The following CPVL variants were observed in gnomAD, a reference collection of about 807,000 sequenced individuals.
The protein encoded by CPVL is carboxypeptidase vitellogenic like, also known as probable serine carboxypeptidase CPVL.
In CPVL, 51 loss-of-function variants were observed where a neutral mutation model predicts 63.7. The ratio of observed to expected loss-of-function variants is 0.80; its 90% CI spans 0.64 to 1.01. CPVL has a LOEUF of 1.01. Among genes scored for constraint, CPVL ranks in the 50% least tolerant of loss-of-function variants. The probability of loss-of-function intolerance (pLI) is 0.00; values close to 1 mark genes in which losing one functional copy is unlikely to be tolerated. For missense variants in CPVL, 530 were observed against 573.1 expected (o/e 0.92, Z 0.77); for synonymous variants, 195 against 206.0 (o/e 0.95, Z 0.46).
rs1401416657 is a variant in CPVL, at chr7:29,163,287, A to G, written c.-11+18003T>C. On this transcript the variant is annotated intron_variant, in intron 5 of 16. Transcript: ENST00000409850. Reference sequence around the variant, plus strand: ...GGATTTTGAAGACTTAGTATGAAAAACATTGTAAAATACTTCGCTTATAGT... The same window carrying G: ...GGATTTTGAAGACTTAGTATGAAAAGCATTGTAAAATACTTCGCTTATAGT... Among the ~76,000 whole-genome samples the G allele has an allele frequency of 7.2e-5, 11 of 152,160 alleles. No homozygotes were observed. The East Asian group carries it at 2.1e-3, about 29-fold the overall frequency.
chr7:29,038,893 T>G (rs1259330645), intron 11 of CPVL, among the ~76,000 whole-genome samples: 1 of 152,174 alleles, frequency 6.6e-6, no homozygotes, highest in Non-Finnish European at 1.5e-5. Flanking sequence ...CACTTGTGTA[T>G]GTAGTGTGTT....
chr7:29,102,775 C>T (rs1787283039), intron 3 of CPVL, among the ~76,000 whole-genome samples: 1 of 152,102 alleles, frequency 6.6e-6, no homozygotes, highest in South Asian at 2.1e-4. Flanking sequence ...CTTGGACACT[C>T]TTTCCTCAGG....
intron 3 of CPVL, among the ~76,000 whole-genome samples, chr7:29,110,450 C>G (rs1359951364): frequency 6.6e-6 from 1 of 152,174 alleles, no homozygotes; most frequent in Non-Finnish European, 1.5e-5. Flanking sequence ...GAGCTTCAGG[C>G]AGAGGGTAGT....
At chr7:29,156,649 A>G (rs1285163405) in intron 5 of CPVL, among the ~76,000 whole-genome samples, 1 of 152,186 alleles carries the variant, frequency 6.6e-6, no homozygotes, top group Non-Finnish European at 1.5e-5. Context: ...TATAAACGCT[A>G]ATTAAATATG....
chr7:29,121,167 A>C, intron 1 of CPVL, 96 bp from the exon 2 acceptor site: 4 of 1,234,826 alleles, frequency 3.2e-6, no homozygotes, highest in Non-Finnish European at 4.4e-6. Flanking sequence ...CTTAAAAAAA[A>C]TATTGTGTGT....
At chr7:29,144,116 T>C (rs1421995198) in intron 1 of CPVL, among the ~76,000 whole-genome samples, 2 of 152,236 alleles carry the variant, frequency 1.3e-5, no homozygotes, top group East Asian at 3.9e-4. Flanking sequence ...TGAGTCATTG[T>C]TCTAGAGGTA....
rs79592069 is a variant in CPVL, at chr7:29,115,122, T to C, written c.170-2300A>G. On this transcript the variant is annotated intron_variant, in intron 2 of 12. Transcript: ENST00000265394. Reference sequence around the variant, plus strand: ...CTTTTATGCAAAATATAAATACTGATTCCGCTATCCTGGGCTTTCTGTGAG... The same window carrying C: ...CTTTTATGCAAAATATAAATACTGACTCCGCTATCCTGGGCTTTCTGTGAG... Among the ~76,000 whole-genome samples, 1,394 of 152,300 alleles carry C rather than the reference T, an allele frequency of 9.2e-3. 18 individuals are homozygous for C. Among genetic ancestry groups the C allele is most frequent in the African/African-American group, 0.032 (1,320 of 41,548 alleles).
chr7:29,073,306 C>T (rs1365932520), intron 7 of CPVL, among the ~76,000 whole-genome samples: 1 of 152,176 alleles, frequency 6.6e-6, no homozygotes, highest in Non-Finnish European at 1.5e-5. Context: ...GTCAGCTCTA[C>T]CTATTCTAAC....
rs1311424476 is a variant in CPVL at position 29,055,246 on chromosome 7, C to CATTT, written c.1137+8811_1137+8814dup. 4.6e-5 allele frequency among the ~76,000 whole-genome samples: 7 copies of CATTT among 151,722 alleles called. No individual in the cohort carries two copies. In the South Asian group the frequency reaches 6.2e-4, roughly 13 times the overall value. On this transcript the variant is annotated intron_variant, in intron 11 of 12. Transcript: ENST00000265394. ...ACTGTAAACACCTCTATTTTCTTTT[C>CATTT]ATTTATTTATTTATTTATTTTGAGA...
intron 3 of CPVL, among the ~76,000 whole-genome samples, chr7:29,108,313 T>C (rs1787926309): frequency 6.6e-6 from 1 of 152,252 alleles, no homozygotes; most frequent in Non-Finnish European, 1.5e-5. Context: ...CAATGAATTA[T>C]CTATGTTCCT....
chr7:29,128,787 A>C (rs1562783775), intron 1 of CPVL, among the ~76,000 whole-genome samples: 1 of 152,102 alleles, frequency 6.6e-6, no homozygotes, highest in African/African-American at 2.4e-5. Flanking sequence ...CAAGTGTTTC[A>C]GCTAACAATG....
chr7:29,092,041 G>A (rs1785863616), intron 6 of CPVL, among the ~76,000 whole-genome samples: 1 of 151,992 alleles, frequency 6.6e-6, no homozygotes, highest in Non-Finnish European at 1.5e-5. Flanking sequence ...ATAATTTGTA[G>A]ACTGGAAAAA....
At chr7:29,119,957 T>C (rs1195909487) in intron 2 of CPVL, among the ~76,000 whole-genome samples, 2 of 152,198 alleles carry the variant, frequency 1.3e-5, no homozygotes, top group Non-Finnish European at 2.9e-5. Flanking sequence ...GAACCAGTGA[T>C]TGACTCATAG....
chr7:29,081,501 G>C (rs1784709844), intron 7 of CPVL: 1 of 152,114 alleles, frequency 6.6e-6, no homozygotes, highest in Admixed American at 6.5e-5. Flanking sequence ...GCCTGGGGTG[G>C]GTCCTGACAC....
chr7:29,072,250 G>A (rs199614546), intron 8 of CPVL, 51 bp downstream of exon 8: 47 of 1,596,996 alleles, frequency 2.9e-5, no homozygotes, highest in Non-Finnish European at 3.7e-5. Flanking sequence ...TGATAAAAAG[G>A]CATTTAATCC....
rs370172812 is a variant in CPVL at position 29,117,474 on chromosome 7, G to A, written c.169+3419C>T. Among the ~76,000 whole-genome samples the A allele has an allele frequency of 2.2e-4, 34 of 152,266 alleles. 1 individual carries two copies. The East Asian group carries it at 4.6e-3, about 21-fold the overall frequency. ...TACGCACAGACCTTTCGCTATTTAC[G>A]TAAATCTTACCCGACACTCTGAAGT... On this transcript the variant is annotated intron_variant, in intron 2 of 12. Transcript: ENST00000265394.
chr7:29,121,194 G>C (rs1789336832), intron 1 of CPVL, 123 bp from the exon 2 acceptor site: 2 of 849,740 alleles, frequency 2.4e-6, no homozygotes, highest in Middle Eastern at 2.7e-4. Context: ...CCTCTGCAAG[G>C]ACCTTGGATA....
chr7:29,056,977 G>T (rs1434788087), intron 11 of CPVL, among the ~76,000 whole-genome samples: 5 of 145,354 alleles, frequency 3.4e-5, no homozygotes, highest in Non-Finnish European at 7.5e-5. Flanking sequence ...TTGAGACAGG[G>T]TCTCACTCTG....
At chr7:29,147,409 T>C (rs572328696), upstream of CPVL, 5 of 158,624 alleles carry the variant, frequency 3.2e-5, no homozygotes, top group South Asian at 7.9e-4. Context: ...AACCCGACAG[T>C]CAGGGGGAAA....
Sources: allele counts gnomAD v4.1 joint callset (sites outside exome capture counted in the v4.1 genomes callset), GRCh38; gene constraint gnomAD v4.1.1; transcripts MANE v1.5; gene names NCBI Gene and HGNC (gene_info 2026-07-23, HGNC 2026-07-21).